COL9A3: variants seen among roughly 807,000 people sequenced by gnomAD.
COL9A3 encodes the protein collagen alpha-3(IX) chain.
COL9A3 carries 82 observed loss-of-function variants against 110.2 expected under a neutral mutation model. The ratio of observed to expected loss-of-function variants is 0.74; its 90% CI spans 0.62 to 0.89. The LOEUF (loss-of-function observed/expected upper bound fraction) is 0.89, where lower values mean the gene tolerates loss of function less well. COL9A3 is among the 40% of genes least tolerant of loss of function. The probability of loss-of-function intolerance (pLI) is 0.00; values close to 1 mark genes in which losing one functional copy is unlikely to be tolerated. For synonymous variants in COL9A3, 494 were observed against 403.8 expected (o/e 1.22, Z -2.68); for missense variants, 1,066 against 981.3 (o/e 1.09, Z -1.15).
intron 30 of COL9A3, among the ~76,000 whole-genome samples, chr20:62,837,945 C>T (rs879814634): frequency 3.9e-5 from 6 of 152,120 alleles, no homozygotes; most frequent in Non-Finnish European, 7.4e-5. Context: ...GGTGAAACCC[C>T]GCCTCTACTA....
upstream of COL9A3, among the ~76,000 whole-genome samples, chr20:62,816,582 C>A (rs900440328): frequency 1.3e-5 from 2 of 152,118 alleles, no homozygotes; most frequent in African/African-American, 4.8e-5. Flanking sequence ...CTGACCGGGC[C>A]CTGGTACCGG....
chr20:62,825,096 C>A, intron 12 of COL9A3, 75 bp downstream of exon 12: 1 of 528,666 alleles, frequency 1.9e-6, no homozygotes. Context: ...AGGGGCTGGG[C>A]TCCGGCGGGA....
chr20:62,817,852 C>A, intron 2 of COL9A3: 2 of 673,380 alleles, frequency 3.0e-6, no homozygotes, highest in Non-Finnish European at 5.6e-6. Flanking sequence ...GTCCTCCACC[C>A]AGAATGCCGG....
chr20:62,817,552 T>C lies in COL9A3; in HGVS notation c.79-15T>C, dbSNP rs781194158. On this transcript the variant is annotated splice_polypyrimidine_tract_variant and intron_variant, in intron 1 of 31. Transcript: ENST00000649368. The stretch of plus-strand genomic sequence containing the variant: ...GGGGGCACCTGCGCTCCTTAATGAG[T>C]TTTCTCCGTTTCAGAGAGTGGGACT... 6.5e-7 allele frequency: 1 copy of C among 1,535,290 alleles called. No homozygotes were observed. The highest frequency in any genetic ancestry group is 8.8e-7 in the Non-Finnish European group (1 of 1,134,358).
intron 31 of COL9A3, among the ~76,000 whole-genome samples, chr20:62,839,682 TCCC>T: frequency 8.9e-6 from 1 of 111,972 alleles, no homozygotes; most frequent in African/African-American, 3.8e-5. Context: ...ACCCCACCTC[TCCC>T]TGGGTGCCCT....
At chr20:62,827,153 C>T in intron 15 of COL9A3, 88 bp from the exon 16 acceptor site, 1 of 1,325,346 alleles carries the variant, frequency 7.5e-7, no homozygotes, top group Non-Finnish European at 1.1e-6. Context: ...AGGGCTGTCC[C>T]CCGCCCGGGC....
At position 62,837,067 on chromosome 20, in the gene COL9A3, C is replaced by G. The variant is rs2063642166; in HGVS notation, c.1604-16C>G. ...TCCTCTCTCGAGTAAACGCCTGCAC[C>G]CTTGTTTTCCCAAAGAACAAATTGC... On this transcript the variant is annotated splice_polypyrimidine_tract_variant and intron_variant, in intron 29 of 31. Transcript: ENST00000649368. The G allele has an allele frequency of 6.2e-7, 1 of 1,612,138 alleles. No individual in the cohort carries two copies. The highest frequency in any genetic ancestry group is 8.5e-7 in the Non-Finnish European group (1 of 1,180,008).
Position 62,829,613 on chromosome 20 carries a change from C to T in COL9A3, c.1054-15C>T. 1 of 1,609,784 alleles carries T rather than the reference C, an allele frequency of 6.2e-7. No individual in the cohort carries two copies. Among genetic ancestry groups the T allele is most frequent in the Non-Finnish European group, 8.5e-7 (1 of 1,178,826 alleles). On this transcript the variant is annotated splice_polypyrimidine_tract_variant and intron_variant, in intron 20 of 31. Transcript: ENST00000649368. Reference sequence around the variant, plus strand: ...CAGGTGTAGGCAGGCACTCACAGCTCTCCTTCCTCTACAGGGCAGAGCTGG... The same window carrying T: ...CAGGTGTAGGCAGGCACTCACAGCTTTCCTTCCTCTACAGGGCAGAGCTGG...
At chr20:62,818,440 C>A in intron 2 of COL9A3, 78 bp from the exon 3 acceptor site, 14 of 1,400,736 alleles carry the variant, frequency 1.0e-5, no homozygotes, top group Non-Finnish European at 1.4e-5. Flanking sequence ...TGGAGGCCAG[C>A]GCTGCTCTTT....
chr20:62,821,113 C>A, intron 5 of COL9A3, 68 bp from the exon 6 acceptor site: 1 of 1,518,616 alleles, frequency 6.6e-7, no homozygotes, highest in Non-Finnish European at 9.1e-7. Flanking sequence ...CGTCACACTT[C>A]AGAGGGAGGG....
chr20:62,818,997 T>C (rs1413509799), intron 3 of COL9A3, among the ~76,000 whole-genome samples: 1 of 152,160 alleles, frequency 6.6e-6, no homozygotes, highest in Non-Finnish European at 1.5e-5. Context: ...CAGATGCCAC[T>C]GAGGGATGGG....
At chr20:62,822,546 G>A in intron 9 of COL9A3, 45 bp from the exon 10 acceptor site, 4 of 1,608,884 alleles carry the variant, frequency 2.5e-6, no homozygotes, top group Non-Finnish European at 3.4e-6. Flanking sequence ...GGCTGCAGGT[G>A]GCTGGGGAGG....
At chr20:62,838,614 A>G (rs1405313384) in intron 30 of COL9A3, 70 bp from the exon 31 acceptor site, 2 of 1,373,922 alleles carry the variant, frequency 1.5e-6, no homozygotes, top group Non-Finnish European at 2.0e-6. Context: ...ACAAAGGTTG[A>G]TCAGACACCG....
In COL9A3 at chr20:62,824,502, G is replaced by T; in HGVS notation, c.576+1G>T. 6.3e-7 allele frequency: 1 copy of T among 1,590,882 alleles called. No homozygotes were observed. The highest frequency in any genetic ancestry group is 8.6e-7 in the Non-Finnish European group (1 of 1,169,394). ...GCCCCCTGGAATGCCAGGGTTCAAG[G>T]TGAGTCACGGGTGACTGGGACCCAA... On this transcript the variant is annotated splice_donor_variant, in intron 11 of 31. Coordinates refer to ENST00000649368, the MANE Select transcript of COL9A3 (RefSeq NM_001853.4). LOFTEE classifies it high-confidence loss of function.
intron 26 of COL9A3, among the ~76,000 whole-genome samples, chr20:62,834,089 G>T (rs770918426): frequency 7.9e-5 from 12 of 151,956 alleles, no homozygotes; most frequent in African/African-American, 2.2e-4. Flanking sequence ...GGCCAGGCTG[G>T]TCTCGAATTC....
At chr20:62,826,114 T>A in intron 13 of COL9A3, 90 bp from the exon 14 acceptor site, 1 of 1,382,278 alleles carries the variant, frequency 7.2e-7, no homozygotes, top group Non-Finnish European at 1.0e-6. Context: ...ACACCAGGGC[T>A]CCCAGGGGTA....
chr20:62,825,295 C>T (rs926549232), intron 12 of COL9A3, among the ~76,000 whole-genome samples: 118 of 152,280 alleles, frequency 7.7e-4, no homozygotes, highest in African/African-American at 2.8e-3. Flanking sequence ...GTGATTTAGG[C>T]AGGGTCCCTG....
chr20:62,839,152 G>A (rs2063656004), intron 31 of COL9A3, among the ~76,000 whole-genome samples: 1 of 152,018 alleles, frequency 6.6e-6, no homozygotes, highest in African/African-American at 2.4e-5. Context: ...TTGAACCCGG[G>A]AGGCGGAGGT....
In COL9A3 at chr20:62,829,746, C is replaced by A. The variant is rs747894076; in HGVS notation, c.1108-20C>A. 2 of 1,592,870 alleles carry A rather than the reference C, an allele frequency of 1.3e-6. No homozygotes were observed. Among genetic ancestry groups the A allele is most frequent in the Non-Finnish European group, 1.7e-6 (2 of 1,170,312 alleles). ...CTGTGTGCAGACCCTGCCCTGACAC[C>A]CTCCTTCCTTTCCCTGTAGGGAGAT... On this transcript the variant is annotated intron_variant, in intron 21 of 31. Coordinates refer to ENST00000649368, the MANE Select transcript of COL9A3 (RefSeq NM_001853.4).
Sources: allele counts gnomAD v4.1 joint callset (sites outside exome capture counted in the v4.1 genomes callset), GRCh38; gene constraint gnomAD v4.1.1; transcripts MANE v1.5; gene names NCBI Gene and HGNC (gene_info 2026-07-23, HGNC 2026-07-21).